PCDHA1: variants seen among roughly 807,000 people sequenced by gnomAD.
PCDHA1 encodes the protein protocadherin alpha 1, also known as protocadherin alpha-1.
PCDHA1 carries 42 observed loss-of-function variants against 61.3 expected under a neutral mutation model. The ratio of observed to expected loss-of-function variants is 0.69; its 90% CI spans 0.54 to 0.89. The LOEUF is 0.89. Ranked by LOEUF, PCDHA1 falls within the 40% of genes least tolerant of loss-of-function variation. The pLI is 0.00. For missense variants in PCDHA1, 1,256 were observed against 1,235.3 expected (o/e 1.02, Z -0.25); for synonymous variants, 610 against 553.8 (o/e 1.10, Z -1.43).
chr5:140,952,813 G>A (rs1162015418), intron 1 of PCDHA1, among the ~76,000 whole-genome samples: 1 of 152,158 alleles, frequency 6.6e-6, no homozygotes, highest in African/African-American at 2.4e-5. Context: ...TCTGCAGGCT[G>A]TACAGGAAGC....
chr5:140,808,301 A>G (rs782259868), intron 1 of PCDHA1: 2 of 1,614,240 alleles, frequency 1.2e-6, no homozygotes, highest in South Asian at 2.2e-5. Flanking sequence ...CATCGCCCTG[A>G]TCAGCGTGTC....
chr5:140,809,257 T>C, intron 1 of PCDHA1: 1 of 1,614,092 alleles, frequency 6.2e-7, no homozygotes, highest in Non-Finnish European at 8.5e-7. Flanking sequence ...TGGGTCCCGA[T>C]GCTGCGCTGG....
chr5:140,869,650 C>A, intron 1 of PCDHA1: 1 of 1,613,504 alleles, frequency 6.2e-7, no homozygotes, highest in African/African-American at 1.3e-5. Flanking sequence ...TTTAGATTCA[C>A]CAACAAATGG....
At chr5:140,863,270 T>C (rs1554158046) in intron 1 of PCDHA1, 1 of 1,459,904 alleles carries the variant, frequency 6.8e-7, no homozygotes, top group Admixed American at 1.8e-5. Flanking sequence ...GAGGCAGCGC[T>C]GGTGGATGTC....
chr5:140,970,872 T>C (rs2096439604), intron 1 of PCDHA1, among the ~76,000 whole-genome samples: 3 of 152,158 alleles, frequency 2.0e-5, no homozygotes, highest in African/African-American at 7.2e-5. Flanking sequence ...TGATTGAGAG[T>C]AGATTTTTCT....
intron 1 of PCDHA1, chr5:140,855,925 C>A: frequency 1.6e-6 from 2 of 1,240,618 alleles, no homozygotes; most frequent in African/African-American, 1.5e-5. Flanking sequence ...TAGGAAGTAG[C>A]GTCATTCTGA....
intron 1 of PCDHA1, among the ~76,000 whole-genome samples, chr5:140,971,214 C>T (rs1285730991): frequency 6.6e-6 from 1 of 152,172 alleles, no homozygotes; most frequent in African/African-American, 2.4e-5. Flanking sequence ...GTTACCCTCC[C>T]TCTCCTGACT....
intron 1 of PCDHA1, chr5:140,803,353 C>G (rs1481348508): frequency 6.2e-7 from 1 of 1,614,198 alleles, no homozygotes; most frequent in Non-Finnish European, 8.5e-7. Context: ...CTGCTATATA[C>G]TGCTCTGCGG....
intron 3 of PCDHA1, among the ~76,000 whole-genome samples, chr5:140,995,291 G>A (rs958346050): frequency 1.4e-4 from 22 of 152,086 alleles, no homozygotes; most frequent in African/African-American, 4.6e-4. Flanking sequence ...ACAGCCAGTC[G>A]GATACCAAGA....
At chr5:141,003,368 G>C (rs2098121009) in intron 3 of PCDHA1, among the ~76,000 whole-genome samples, 1 of 152,190 alleles carries the variant, frequency 6.6e-6, no homozygotes, top group Non-Finnish European at 1.5e-5. Flanking sequence ...CTGGAGTGCA[G>C]TGGTGCAATC....
intron 1 of PCDHA1, chr5:140,870,381 G>T: frequency 6.2e-7 from 1 of 1,614,214 alleles, no homozygotes; most frequent in African/African-American, 1.3e-5. Flanking sequence ...TGGTGACTGC[G>T]CGGGATGGGG....
chr5:140,852,931 T>G (rs1554146230), intron 1 of PCDHA1: 1 of 623,668 alleles, frequency 1.6e-6, no homozygotes, highest in Non-Finnish European at 2.1e-6. Flanking sequence ...CAGGCTGGAG[T>G]GCAGTGGTGC....
At chr5:140,997,563 A>G (rs891862395) in intron 3 of PCDHA1, among the ~76,000 whole-genome samples, 7 of 152,202 alleles carry the variant, frequency 4.6e-5, no homozygotes, top group Non-Finnish European at 8.8e-5. Context: ...GACAACTGTC[A>G]TATGTGTGGT....
chr5:140,802,643 G>C, intron 1 of PCDHA1: 1 of 1,613,746 alleles, frequency 6.2e-7, no homozygotes, highest in Non-Finnish European at 8.5e-7. Flanking sequence ...CGCGGGACGC[G>C]GACGCGCAGG....
intron 1 of PCDHA1, among the ~76,000 whole-genome samples, chr5:140,935,903 T>TTC (rs1289164766): frequency 4.6e-4 from 69 of 151,456 alleles, no homozygotes; most frequent in African/African-American, 1.6e-3. Flanking sequence ...TCTTTTTTTT[T>TTC]TTTTTTTGAG....
At chr5:140,924,681 G>T (rs558083953) in intron 1 of PCDHA1, among the ~76,000 whole-genome samples, 1 of 152,180 alleles carries the variant, frequency 6.6e-6, no homozygotes, top group East Asian at 1.9e-4. Flanking sequence ...AATCACTTGA[G>T]GTCAGGAGTT....
At chr5:141,001,977 A>T (rs527826696) in intron 3 of PCDHA1, among the ~76,000 whole-genome samples, 1 of 152,246 alleles carries the variant, frequency 6.6e-6, no homozygotes, top group South Asian at 2.1e-4. Flanking sequence ...CTCTGCGCGG[A>T]AAGCCTGGAA....
At chr5:140,870,720 G>T (rs544150374) in intron 1 of PCDHA1, 8 of 1,613,202 alleles carry the variant, frequency 5.0e-6, no homozygotes, top group Non-Finnish European at 6.8e-6. Flanking sequence ...CGCGCGATGC[G>T]GGCGTGCCGC....
intron 1 of PCDHA1, chr5:140,851,731 T>C (rs1554145521): frequency 3.1e-6 from 3 of 971,456 alleles, no homozygotes; most frequent in African/African-American, 3.5e-5. Flanking sequence ...TCGAGTTCTT[T>C]TGAAATTCAG....
Sources: allele counts gnomAD v4.1 joint callset (sites outside exome capture counted in the v4.1 genomes callset), GRCh38; gene constraint gnomAD v4.1.1; transcripts MANE v1.5; gene names NCBI Gene and HGNC (gene_info 2026-07-23, HGNC 2026-07-21).